Variants in ADSL observed in about 807,000 individuals in gnomAD.
ADSL encodes the protein adenylosuccinase.
A neutral mutation model predicts 62.1 loss-of-function variants in ADSL; 44 were observed. The observed-to-expected ratio is 0.71, with a 90% CI of 0.56 to 0.91. The LOEUF (loss-of-function observed/expected upper bound fraction) is 0.91, where lower values mean the gene tolerates loss of function less well. Among genes scored for constraint, ADSL ranks in the 40% least tolerant of loss-of-function variants. ADSL has a pLI of 0.00. For missense variants in ADSL, 531 were observed against 627.4 expected (o/e 0.85, Z 1.64); for synonymous variants, 198 against 220.5 (o/e 0.90, Z 0.90).
downstream of ADSL, among the ~76,000 whole-genome samples, chr22:40,373,837 A>G (rs2046039203): frequency 6.6e-6 from 1 of 152,188 alleles, no homozygotes; most frequent in Non-Finnish European, 1.5e-5. Flanking sequence ...GATGGTCTCC[A>G]TCTCTTGACC....
At chr22:40,374,872 G>A (rs1385605981) in intron 2 of ADSL, among the ~76,000 whole-genome samples, 1 of 152,162 alleles carries the variant, frequency 6.6e-6, no homozygotes, top group Non-Finnish European at 1.5e-5. Flanking sequence ...GGAAGAGAAT[G>A]AGACCTTGCC....
chr22:40,365,548 G>T (rs2044971215), intron 12 of ADSL, among the ~76,000 whole-genome samples: 1 of 152,072 alleles, frequency 6.6e-6, no homozygotes, highest in Non-Finnish European at 1.5e-5. Context: ...ATGTGTTCAG[G>T]TACTGTATTT....
At chr22:40,363,594 G>A (rs1223707643) in intron 10 of ADSL, among the ~76,000 whole-genome samples, 1 of 152,070 alleles carries the variant, frequency 6.6e-6, no homozygotes. Flanking sequence ...AAATTAGCTG[G>A]GCGTGTTGGC....
downstream of ADSL, chr22:40,372,884 A>G (rs2045863140): frequency 1.3e-5 from 2 of 152,222 alleles, no homozygotes; most frequent in African/African-American, 4.8e-5. Context: ...TACTCTCCAG[A>G]TAGCCTGTTA....
At chr22:40,378,927 C>A (rs1447123931) in intron 2 of ADSL, among the ~76,000 whole-genome samples, 1 of 152,132 alleles carries the variant, frequency 6.6e-6, no homozygotes, top group Admixed American at 6.5e-5. Context: ...CGCTTCACCA[C>A]CTATGTGCTG....
At chr22:40,363,736 C>CA (rs1231381642) in intron 10 of ADSL, among the ~76,000 whole-genome samples, 1,648 of 79,390 alleles carry the variant, frequency 0.021, 15 homozygotes, top group Non-Finnish European at 0.027. Flanking sequence ...AACTCCATCT[C>CA]AAAAAAAAAA....
At chr22:40,386,012 C>T (rs1042110087) in intron 2 of ADSL, among the ~76,000 whole-genome samples, 3 of 149,872 alleles carry the variant, frequency 2.0e-5, no homozygotes, top group Non-Finnish European at 4.4e-5. Context: ...CCACCATGCC[C>T]GGCTAATTTT....
chr22:40,349,695 G>T (rs1452723971), intron 1 of ADSL, 137 bp from the exon 2 acceptor site: 3 of 808,290 alleles, frequency 3.7e-6, no homozygotes, highest in Middle Eastern at 3.4e-4. Flanking sequence ...TTTCAACTTG[G>T]TTGCCTCAAA....
In ADSL at chr22:40,368,610, T is replaced by TA. The variant is rs2146683281; in HGVS notation, c.*2089dup. ...CATTTGCTCAACTTCCAGAAAGAGT[T>TA]ACTCTGTTCATCTCTAAAAAATCTT... On this transcript the variant is annotated 3_prime_UTR_variant, in exon 13 of 13. Transcript: ENST00000623063. 6.6e-6 allele frequency: 1 copy of TA among 152,266 alleles called. No individual in the cohort carries two copies. Among genetic ancestry groups the TA allele is most frequent in the East Asian group, 1.9e-4 (1 of 5,180 alleles). The allele number at this position is 152,266 out of a possible 1,614,324, so 9.4% of individuals were successfully genotyped here. A position where few individuals can be genotyped will look rare whatever the true frequency, so the allele number is the denominator to read the frequency against.
chr22:40,351,601 C>G (rs769786590), intron 2 of ADSL, among the ~76,000 whole-genome samples: 2 of 152,218 alleles, frequency 1.3e-5, no homozygotes, highest in Non-Finnish European at 2.9e-5. Flanking sequence ...GCCAGCGTAC[C>G]TGGCCTAGCT....
intron 2 of ADSL, among the ~76,000 whole-genome samples, chr22:40,383,729 G>T (rs1333445385): frequency 6.6e-6 from 1 of 152,068 alleles, no homozygotes; most frequent in Non-Finnish European, 1.5e-5. Flanking sequence ...AAGAGATTGG[G>T]GTCTATGGAA....
intron 12 of ADSL, among the ~76,000 whole-genome samples, chr22:40,366,087 G>A (rs915399636): frequency 6.6e-6 from 1 of 151,974 alleles, no homozygotes; most frequent in Non-Finnish European, 1.5e-5. Context: ...GAGAGACACA[G>A]ACCGGGGAGG....
chr22:40,364,173 GTAGT>G, intron 10 of ADSL, 99 bp from the exon 11 acceptor site: 1 of 832,036 alleles, frequency 1.2e-6, no homozygotes, highest in Non-Finnish European at 2.0e-6. Context: ...CCATAATGTG[GTAGT>G]TAGTGTCTGT....
At chr22:40,377,106 A>G (rs2046755244) in intron 2 of ADSL, among the ~76,000 whole-genome samples, 1 of 152,196 alleles carries the variant, frequency 6.6e-6, no homozygotes, top group Non-Finnish European at 1.5e-5. Context: ...AATTTAGTAG[A>G]CATAAGTTGT....
chr22:40,374,942 T>A (rs1216068361), intron 2 of ADSL, among the ~76,000 whole-genome samples: 1 of 152,206 alleles, frequency 6.6e-6, no homozygotes, highest in Non-Finnish European at 1.5e-5. Flanking sequence ...ATAACAAGGC[T>A]AGATTTTCAG....
At chr22:40,361,774 CAT>C (rs1180513173) in intron 9 of ADSL, 139 bp downstream of exon 9, 5 of 1,107,048 alleles carry the variant, frequency 4.5e-6, no homozygotes, top group Non-Finnish European at 6.6e-6. Context: ...GAGGCAAAAA[CAT>C]AAAAAGGACA....
Position 40,379,078 on chromosome 22 carries a change from T to C in ADSL, c.90-11152T>C, listed in dbSNP as rs147642359. Among the ~76,000 whole-genome samples, 827 of 152,342 alleles carry C rather than the reference T, an allele frequency of 5.4e-3. 7 individuals carry two copies. The highest frequency in any genetic ancestry group is 8.7e-3 in the Non-Finnish European group (595 of 68,024). ...TGCCTATGGTTCTTCCTGCCTCATT[T>C]TACTCTGTAGCACTATTCATCTGAC... On this transcript the variant is annotated intron_variant, in intron 2 of 2. Transcript: ENST00000498234.
At chr22:40,349,714 T>G in intron 1 of ADSL, 118 bp from the exon 2 acceptor site, 2 of 933,410 alleles carry the variant, frequency 2.1e-6, no homozygotes, top group South Asian at 2.8e-5. Context: ...AATTTTAATT[T>G]AAGGGTTGGG....
At chr22:40,363,310 A>G (rs1237554176) in intron 10 of ADSL, among the ~76,000 whole-genome samples, 1 of 152,230 alleles carries the variant, frequency 6.6e-6, no homozygotes, top group Non-Finnish European at 1.5e-5. Context: ...ATGAATCATC[A>G]GCTCTGGTGT....
Sources: allele counts gnomAD v4.1 joint callset (sites outside exome capture counted in the v4.1 genomes callset), GRCh38; gene constraint gnomAD v4.1.1; transcripts MANE v1.5; gene names NCBI Gene and HGNC (gene_info 2026-07-23, HGNC 2026-07-21).